CMSS1: variants seen among roughly 807,000 people sequenced by gnomAD.
CMSS1 encodes the protein cms1 ribosomal small subunit homolog.
In CMSS1, 33 loss-of-function variants were observed where a neutral mutation model predicts 43.5. That is an observed-to-expected ratio of 0.76 (90% CI 0.57 to 1.01). The LOEUF is 1.01. Ranked by LOEUF, CMSS1 falls within the 50% of genes least tolerant of loss-of-function variation. CMSS1 has a pLI of 0.00. For synonymous variants in CMSS1, 115 were observed against 117.2 expected (o/e 0.98, Z 0.12); for missense variants, 313 against 326.4 (o/e 0.96, Z 0.32).
intron 1 of CMSS1, among the ~76,000 whole-genome samples, chr3:99,937,485 T>C (rs564486277): frequency 1.3e-5 from 2 of 152,350 alleles, no homozygotes; most frequent in African/African-American, 4.8e-5. Context: ...AGTATGAGAT[T>C]GTGGAATCAA....
At chr3:99,881,181 T>C (rs1455018699) in intron 1 of CMSS1, among the ~76,000 whole-genome samples, 2 of 152,192 alleles carry the variant, frequency 1.3e-5, no homozygotes, top group African/African-American at 4.8e-5. Flanking sequence ...GTGAGCATAC[T>C]AGTAGGTAAG....
rs2067177526 is a variant in CMSS1 at position 100,180,411 on chromosome 3, A to G, written c.*2023A>G. The G allele has an allele frequency of 6.6e-6, 1 of 152,232 alleles. No individual in the cohort carries two copies. Among genetic ancestry groups the G allele is most frequent in the Non-Finnish European group, 1.5e-5 (1 of 68,040 alleles). 9.4% of individuals were successfully genotyped at this position (152,232 alleles called of 1,614,324 possible). On this transcript the variant is annotated 3_prime_UTR_variant, in exon 10 of 10. Coordinates refer to ENST00000421999, the MANE Select transcript of CMSS1 (RefSeq NM_032359.4). ...GTTATCTCTGCTTATGCAAATGAGCATAGGCTTTTAGAAGCAACCAGGCCA... is the reference window on the plus strand; with the variant it reads ...GTTATCTCTGCTTATGCAAATGAGCGTAGGCTTTTAGAAGCAACCAGGCCA...
At chr3:99,951,947 G>A (rs1708188514) in intron 1 of CMSS1, among the ~76,000 whole-genome samples, 1 of 152,176 alleles carries the variant, frequency 6.6e-6, no homozygotes, top group African/African-American at 2.4e-5. Context: ...TGAAGTAATA[G>A]TGAGAGAACC....
At chr3:100,001,151 G>A (rs1221341704) in intron 1 of CMSS1, among the ~76,000 whole-genome samples, 1 of 152,208 alleles carries the variant, frequency 6.6e-6, no homozygotes, top group Non-Finnish European at 1.5e-5. Flanking sequence ...ATAGGGTTAA[G>A]TGGTGATAAA....
rs1168456286 is a variant in CMSS1, at chr3:99,981,681, T to C, written c.64+163638T>C. On this transcript the variant is annotated intron_variant, in intron 1 of 9. Transcript: ENST00000421999. ...GTCCAACATTGTGCCTTCAGCACCA[T>C]TTGAAAAAAATTGGTTGGAATTAGT... 1.3e-5 allele frequency among the ~76,000 whole-genome samples: 2 copies of C among 152,212 alleles called. 1 individual carries two copies. The highest frequency in any genetic ancestry group is 2.9e-5 in the Non-Finnish European group (2 of 68,032).
At chr3:99,973,436 A>G (rs1708880304) in intron 1 of CMSS1, among the ~76,000 whole-genome samples, 1 of 152,236 alleles carries the variant, frequency 6.6e-6, no homozygotes, top group African/African-American at 2.4e-5. Flanking sequence ...ACATATTCAT[A>G]TAAAATAGAA....
chr3:99,952,156 C>T (rs892473386), intron 1 of CMSS1, among the ~76,000 whole-genome samples: 2 of 151,738 alleles, frequency 1.3e-5, no homozygotes, highest in African/African-American at 4.8e-5. Context: ...CCACAGTCTC[C>T]TATAGATGTG....
intron 1 of CMSS1, among the ~76,000 whole-genome samples, chr3:99,966,107 A>C (rs1576606408): frequency 6.6e-6 from 1 of 152,342 alleles, no homozygotes; most frequent in African/African-American, 2.4e-5. Flanking sequence ...TTACAGGGAT[A>C]TCTCTCTCAC....
At chr3:100,124,687 A>G (rs568062919) in intron 1 of CMSS1, among the ~76,000 whole-genome samples, 59 of 152,210 alleles carry the variant, frequency 3.9e-4, no homozygotes, top group African/African-American at 1.3e-3. Flanking sequence ...TACATCCCCA[A>G]ATGGCAAAAG....
At chr3:100,074,224 C>T (rs1418169800) in intron 1 of CMSS1, among the ~76,000 whole-genome samples, 1 of 152,332 alleles carries the variant, frequency 6.6e-6, no homozygotes, top group East Asian at 1.9e-4. Context: ...CTGACAGCCC[C>T]CCTGGGCCTC....
rs530579428 is a variant in CMSS1, at chr3:100,079,637, C to A, written c.65-67336C>A. The stretch of plus-strand genomic sequence containing the variant: ...GTGGAATCAGAATCCTCTTTCAAAT[C>A]CTTCTGATTTTCAATTCATTGTGAG... On this transcript the variant is annotated intron_variant, in intron 1 of 9. Transcript: ENST00000421999. 5.9e-5 allele frequency among the ~76,000 whole-genome samples: 9 copies of A among 152,140 alleles called. No individual in the cohort carries two copies. The South Asian group carries it at 1.9e-3, about 32-fold the overall frequency.
intron 1 of CMSS1, among the ~76,000 whole-genome samples, chr3:100,067,088 G>T (rs1359028496): frequency 1.3e-5 from 2 of 152,190 alleles, no homozygotes; most frequent in Non-Finnish European, 2.9e-5. Context: ...GGGCCACTGA[G>T]ATGCATGTTC....
intron 8 of CMSS1, 22 bp from the exon 9 acceptor site, chr3:100,176,305 A>C (rs777407365): frequency 3.2e-5 from 49 of 1,534,764 alleles, no homozygotes; most frequent in Non-Finnish European, 4.4e-5. Context: ...TACTACAGCA[A>C]CTCTCTTCCT....
chr3:100,125,942 C>T (rs539263521), intron 1 of CMSS1, among the ~76,000 whole-genome samples: 1 of 152,292 alleles, frequency 6.6e-6, no homozygotes, highest in South Asian at 2.1e-4. Flanking sequence ...ATATTAAAAA[C>T]AGCCATTATA....
intron 1 of CMSS1, among the ~76,000 whole-genome samples, chr3:100,065,421 C>T (rs1225908908): frequency 2.0e-5 from 3 of 152,268 alleles, no homozygotes; most frequent in African/African-American, 7.2e-5. Context: ...CTAAAATCAT[C>T]CTGCTAACAT....
chr3:99,849,273 C>T, intron 1 of CMSS1: 3 of 1,614,158 alleles, frequency 1.9e-6, no homozygotes, highest in Non-Finnish European at 2.5e-6. Flanking sequence ...CTGCTTCTGT[C>T]TGAACTTCTT....
intron 1 of CMSS1, among the ~76,000 whole-genome samples, chr3:99,961,634 C>T (rs991167100): frequency 2.0e-4 from 30 of 152,144 alleles, no homozygotes; most frequent in African/African-American, 5.3e-4. Context: ...TCCTGGGAAC[C>T]GATACCTTTG....
chr3:99,843,486 A>C (rs1432209238), intron 1 of CMSS1, among the ~76,000 whole-genome samples: 1 of 152,178 alleles, frequency 6.6e-6, no homozygotes, highest in Non-Finnish European at 1.5e-5. Context: ...AAAGAGAGGG[A>C]CTATGGTCAG....
At chr3:99,908,701 G>A (rs1213978494) in intron 1 of CMSS1, among the ~76,000 whole-genome samples, 2 of 152,112 alleles carry the variant, frequency 1.3e-5, no homozygotes, top group African/African-American at 2.4e-5. Context: ...GTTGTTAGGA[G>A]GATTAAATGA....
Sources: allele counts gnomAD v4.1 joint callset (sites outside exome capture counted in the v4.1 genomes callset), GRCh38; gene constraint gnomAD v4.1.1; transcripts MANE v1.5; gene names NCBI Gene and HGNC (gene_info 2026-07-23, HGNC 2026-07-21).